Variants in CNOT1 observed in about 807,000 individuals in gnomAD.
CNOT1 encodes the protein CCR4-associated factor 1.
CNOT1 carries 15 observed loss-of-function variants against 273.8 expected under a neutral mutation model. The observed-to-expected ratio is 0.05, with a 90% CI of 0.04 to 0.08. CNOT1 has a LOEUF of 0.08. Ranked by LOEUF, CNOT1 falls within the 10% of genes least tolerant of loss-of-function variation. The pLI is 1.00. For synonymous variants in CNOT1, 1,022 were observed against 1,005.5 expected, an observed-to-expected ratio of 1.02 and a Z score of -0.31; for missense variants, 1,644 against 2,912.2, an observed-to-expected ratio of 0.56 and a Z score of 10.02.
At chr16:58,576,285 T>A (rs1334321259) in intron 14 of CNOT1, among the ~76,000 whole-genome samples, 178 bp downstream of exon 14, 1 of 151,982 alleles carries the variant, frequency 6.6e-6, no homozygotes, top group Non-Finnish European at 1.5e-5. Context: ...AATTTTTCTA[T>A]TTTTAGTAGA....
At chr16:58,550,582 AG>A (rs1263033058) in intron 24 of CNOT1, among the ~76,000 whole-genome samples, 1 of 152,066 alleles carries the variant, frequency 6.6e-6, no homozygotes, top group African/African-American at 2.4e-5. Context: ...TATGCATATA[AG>A]ATAGGTGTTA....
intron 30 of CNOT1, among the ~76,000 whole-genome samples, 169 bp from the exon 31 acceptor site, chr16:58,544,072 G>A (rs1234248460): frequency 6.6e-6 from 1 of 152,138 alleles, no homozygotes; most frequent in African/African-American, 2.4e-5. Flanking sequence ...GCTCCATACA[G>A]GGAAATGTAT....
At chr16:58,522,005 CAG>C (rs1007168278) in intron 47 of CNOT1, among the ~76,000 whole-genome samples, 3 of 151,522 alleles carry the variant, frequency 2.0e-5, no homozygotes, top group Non-Finnish European at 2.9e-5. Context: ...AAAAAGGAAA[CAG>C]AAAATAAGAA....
chr16:58,520,825 G>T lies in CNOT1; in HGVS notation c.*133C>A. ...ATAAGACAGGAGGCTGATCCCAACA[G>T]TAGTTGGGGCAGATACCCACAAACC... is the stretch of plus-strand genomic sequence containing the variant. On this transcript the variant is annotated 3_prime_UTR_variant, in exon 49 of 49. Coordinates refer to ENST00000317147, the MANE Select transcript of CNOT1 (RefSeq NM_016284.5). 1 of 874,330 alleles carries T rather than the reference G, an allele frequency of 1.1e-6. No homozygotes were observed. The highest frequency in any genetic ancestry group is 1.8e-6 in the Non-Finnish European group (1 of 551,820). The allele number at this position is 874,330 out of a possible 1,614,324, so 54.2% of individuals were successfully genotyped here. A position where few individuals can be genotyped will look rare whatever the true frequency, so the allele number is the denominator to read the frequency against.
At chr16:58,628,599 T>TTA (rs1555504124) in intron 1 of CNOT1, among the ~76,000 whole-genome samples, 1 of 141,118 alleles carries the variant, frequency 7.1e-6, no homozygotes, top group African/African-American at 2.6e-5. Context: ...ATCACTGACT[T>TTA]AAAAAAAAAA....
intron 13 of CNOT1, 127 bp from the exon 14 acceptor site, chr16:58,576,709 C>A: frequency 7.0e-7 from 1 of 1,429,386 alleles, no homozygotes. Context: ...ACATTAAGTT[C>A]AGGCCTCAAA....
At chr16:58,566,597 T>C (rs2041050327) in intron 16 of CNOT1, among the ~76,000 whole-genome samples, 2 of 152,210 alleles carry the variant, frequency 1.3e-5, no homozygotes, top group Admixed American at 6.5e-5. Context: ...CAGAGTGCTT[T>C]GGAATGGATA....
chr16:58,618,410 G>A (rs13337270), intron 1 of CNOT1, among the ~76,000 whole-genome samples: 1 of 151,852 alleles, frequency 6.6e-6, no homozygotes, highest in Non-Finnish European at 1.5e-5. Context: ...GGTAAACCCC[G>A]TGTCTACTAA....
intron 3 of CNOT1, among the ~76,000 whole-genome samples, chr16:58,588,344 TAAAAA>T (rs2041944820): frequency 6.6e-6 from 1 of 151,764 alleles, no homozygotes; most frequent in Non-Finnish European, 1.5e-5. Context: ...AAGAAAGTTA[TAAAAA>T]TAGAGTTTTT....
At chr16:58,584,682 T>C (rs1348679263) in intron 8 of CNOT1, among the ~76,000 whole-genome samples, 1 of 152,138 alleles carries the variant, frequency 6.6e-6, no homozygotes, top group Non-Finnish European at 1.5e-5. Context: ...TAACAAAAAT[T>C]ATATGCCAGG....
At chr16:58,557,978 G>A (rs552726425) in intron 18 of CNOT1, among the ~76,000 whole-genome samples, 22 of 151,852 alleles carry the variant, frequency 1.4e-4, no homozygotes, top group Non-Finnish European at 2.6e-4. Flanking sequence ...CAACAAGAGC[G>A]AAACCCTGTC....
At chr16:58,530,158 A>G in intron 43 of CNOT1, 88 bp downstream of exon 43, 1 of 1,105,788 alleles carries the variant, frequency 9.0e-7, no homozygotes, top group Non-Finnish European at 1.3e-6. Context: ...CAAAGGCTTA[A>G]TAAAAACAAA....
At chr16:58,536,592 C>T (rs2039938017) in intron 39 of CNOT1, among the ~76,000 whole-genome samples, 1 of 150,928 alleles carries the variant, frequency 6.6e-6, no homozygotes, top group African/African-American at 2.5e-5. Flanking sequence ...CAATAAAACA[C>T]TCTACCATTT....
At chr16:58,616,794 T>C (rs763633192) in intron 1 of CNOT1, among the ~76,000 whole-genome samples, 22 of 152,194 alleles carry the variant, frequency 1.4e-4, no homozygotes, top group Admixed American at 6.6e-5. Context: ...AATTTTGTGT[T>C]AGAATCAGTG....
chr16:58,587,754 CT>C, intron 4 of CNOT1, 25 bp downstream of exon 4: 1 of 1,609,018 alleles, frequency 6.2e-7, no homozygotes, highest in Non-Finnish European at 8.5e-7. Context: ...AGAGATCACA[CT>C]CTTAAAGATA....
intron 1 of CNOT1, among the ~76,000 whole-genome samples, chr16:58,603,066 A>C (rs1323176468): frequency 2.0e-5 from 3 of 152,176 alleles, no homozygotes; most frequent in African/African-American, 7.2e-5. Context: ...CTCCGCCTAT[A>C]AAATATAACC....
chr16:58,530,410 C>T (rs957792699), intron 42 of CNOT1, 63 bp from the exon 43 acceptor site: 21 of 1,217,972 alleles, frequency 1.7e-5, no homozygotes, highest in Admixed American at 1.3e-4. Flanking sequence ...CACTACAAGT[C>T]GCCCAAGCAG....
At chr16:58,596,628 C>T (rs1349932836) in intron 2 of CNOT1, among the ~76,000 whole-genome samples, 1 of 152,112 alleles carries the variant, frequency 6.6e-6, no homozygotes, top group Non-Finnish European at 1.5e-5. Flanking sequence ...TGGCTCATGC[C>T]TGTAATCCCA....
At chr16:58,617,156 T>A (rs923883306) in intron 1 of CNOT1, among the ~76,000 whole-genome samples, 3 of 151,798 alleles carry the variant, frequency 2.0e-5, no homozygotes, top group African/African-American at 7.3e-5. Context: ...AACCTGGAGT[T>A]TGAGACCCAT....
Sources: allele counts gnomAD v4.1 joint callset (sites outside exome capture counted in the v4.1 genomes callset), GRCh38; gene constraint gnomAD v4.1.1; transcripts MANE v1.5; gene names NCBI Gene and HGNC (gene_info 2026-07-23, HGNC 2026-07-21).